Variants in KCTD19 observed in about 807,000 individuals in gnomAD.
KCTD19 encodes the protein potassium channel tetramerization domain containing 19.
Under a neutral mutation model 103.5 loss-of-function variants are expected in KCTD19, and 67 were observed. That is an observed-to-expected ratio of 0.65 (90% CI 0.53 to 0.79). The LOEUF is 0.79. KCTD19 is among the 30% of genes least tolerant of loss of function. The pLI is 0.00. For synonymous variants in KCTD19, 439 were observed against 452.2 expected (o/e 0.97, Z 0.37); for missense variants, 980 against 1,136.1 (o/e 0.86, Z 1.98).
intron 4 of KCTD19, chr16:67,302,800 G>A (rs2036848624): frequency 1.1e-5 from 3 of 267,848 alleles, no homozygotes; most frequent in Non-Finnish European, 2.1e-5. Flanking sequence ...CGGAAGACCA[G>A]CTGGATACAT....
chr16:67,325,368 A>G (rs893766896), intron 1 of KCTD19, among the ~76,000 whole-genome samples: 3 of 132,370 alleles, frequency 2.3e-5, no homozygotes, highest in African/African-American at 1.1e-4. Context: ...GCCCGCCACC[A>G]CGCCCGGCTT....
Position 67,320,996 on chromosome 16 carries a change from A to G in KCTD19, c.4-111T>C, listed in dbSNP as rs1002682597. Reference sequence around the variant, plus strand: ...GTTTGCTGATGACATGATCTTGTATATAAAAAATCCTAAGGAATTCACCAG... The same window carrying G: ...GTTTGCTGATGACATGATCTTGTATGTAAAAAATCCTAAGGAATTCACCAG... On this transcript the variant is annotated intron_variant, in intron 1 of 15. Coordinates refer to ENST00000304372, the MANE Select transcript of KCTD19 (RefSeq NM_001100915.3). The surrounding 1 kb of genome is among the most constrained non-coding windows in gnomAD (Gnocchi z 4.0). 1.0e-6 allele frequency: 1 copy of G among 989,504 alleles called. No individual in the cohort carries two copies. Among genetic ancestry groups the G allele is most frequent in the Admixed American group, 2.9e-5 (1 of 35,084 alleles). 61.3% of individuals were successfully genotyped at this position (989,504 alleles called of 1,614,324 possible).
chr16:67,291,043 G>A, intron 14 of KCTD19, 57 bp from the exon 15 acceptor site: 1 of 1,562,738 alleles, frequency 6.4e-7, no homozygotes, highest in East Asian at 2.3e-5. Context: ...CCCTCAGAGT[G>A]AGATGCAGAG....
chr16:67,299,750 C>T lies in KCTD19; in HGVS notation c.776-177G>A, dbSNP rs2036813470. The T allele has an allele frequency of 6.7e-6, 4 of 595,038 alleles. No homozygotes were observed. In the East Asian group the frequency reaches 8.6e-5, roughly 13 times the overall value. The allele number at this position is 595,038 out of a possible 1,614,324, so 36.9% of individuals were successfully genotyped here. ...AAAATTAGTATAATTTTTTTGTATA[C>T]TCAGGCTTAGAAGTCATAACTATTT... On this transcript the variant is annotated intron_variant, in intron 5 of 15. Coordinates refer to ENST00000304372, the MANE Select transcript of KCTD19 (RefSeq NM_001100915.3).
rs2036735833 is a variant in KCTD19, at chr16:67,294,125, G to A, written c.1637C>T (p.Thr546Ile). 3 of 1,610,894 alleles carry A rather than the reference G, an allele frequency of 1.9e-6. No homozygotes were observed. The highest frequency in any genetic ancestry group is 2.7e-5 in the African/African-American group (2 of 74,840). ...PVDFEDCSDRTPWNKAKGNLV... is the reference protein window; with the variant it reads ...PVDFEDCSDRIPWNKAKGNLV... ...GTTTCCCTTAGCCTTGTTCCATGGA[G>A]TCCTGTCACTGCAGTCTTCGAAGTC... is the stretch of plus-strand genomic sequence containing the variant. The change falls in exon 12 of 16, where the codon ACT becomes ATT. Residue 546 changes from threonine to isoleucine, a missense_variant. Transcript: ENST00000304372.
intron 5 of KCTD19, chr16:67,299,876 A>G (rs896318393): frequency 2.4e-5 from 10 of 413,996 alleles, no homozygotes; most frequent in African/African-American, 1.9e-4. Context: ...TAGCCTCTGC[A>G]GGAGTCTTCA....
rs970593050 is a variant in KCTD19 at position 67,319,359 on chromosome 16, G to A, written c.300+1230C>T. The stretch of plus-strand genomic sequence containing the variant: ...TCTCATTCCTCTATGGCCCAGATAC[G>A]CATGATCTATCTCAATTTTCTTCTA... On this transcript the variant is annotated intron_variant, in intron 2 of 15. Coordinates refer to ENST00000304372, the MANE Select transcript of KCTD19 (RefSeq NM_001100915.3). Among the ~76,000 whole-genome samples the A allele has an allele frequency of 3.3e-5, 5 of 152,102 alleles. No homozygotes were observed. The South Asian group carries it at 6.2e-4, about 19-fold the overall frequency.
At chr16:67,314,814 TATATATATATATATATAGAG>T (rs1184813565) in intron 2 of KCTD19, among the ~76,000 whole-genome samples, 4 of 91,778 alleles carry the variant, frequency 4.4e-5, no homozygotes, top group South Asian at 4.2e-4. Flanking sequence ...TATATATATA[TATATATATATATATATAGAG>T]AGAGAGAGAG....
intron 12 of KCTD19, among the ~76,000 whole-genome samples, chr16:67,292,360 CCT>C (rs2036709532): frequency 6.6e-6 from 1 of 152,166 alleles, no homozygotes; most frequent in Admixed American, 6.5e-5. Flanking sequence ...CCTGGCCACT[CCT>C]CTCTTCATTG....
At position 67,296,158 on chromosome 16, in the gene KCTD19, C is replaced by G; in HGVS notation, c.1248+1G>C. The G allele has an allele frequency of 6.3e-7, 1 of 1,594,422 alleles. No individual in the cohort carries two copies. The highest frequency in any genetic ancestry group is 8.6e-7 in the Non-Finnish European group (1 of 1,161,958). On this transcript the variant is annotated splice_donor_variant, in intron 8 of 15. Coordinates refer to ENST00000304372, the MANE Select transcript of KCTD19 (RefSeq NM_001100915.3). LOFTEE classifies it high-confidence loss of function. ...AGCAGGGCAGCCGAGGCCGTCAGTA[C>G]CTTCAGCAGTGTCTGCAGGGTGGTT...
chr16:67,325,260 AG>A (rs1231491371), intron 1 of KCTD19, among the ~76,000 whole-genome samples: 7 of 135,706 alleles, frequency 5.2e-5, no homozygotes, highest in Non-Finnish European at 7.5e-5. Flanking sequence ...GCTGGAGTGC[AG>A]TGGCACGATT....
intron 3 of KCTD19, 106 bp downstream of exon 3, chr16:67,304,315 C>G: frequency 3.6e-6 from 4 of 1,114,166 alleles, no homozygotes; most frequent in Non-Finnish European, 2.7e-6. Context: ...GAGACTGCCT[C>G]AGAAATCAGG....
At chr16:67,291,890 C>G in intron 12 of KCTD19, 53 bp from the exon 13 acceptor site, 1 of 1,329,644 alleles carries the variant, frequency 7.5e-7, no homozygotes, top group Non-Finnish European at 1.0e-6. Context: ...AATTTTTTTT[C>G]AAGATAGAGT....
In KCTD19 at chr16:67,295,329, C is replaced by T; in HGVS notation, c.1325G>A (p.Gly442Asp). Residue 442 changes from glycine (G) to aspartate (D), a missense_variant, in exon 9 of 16, where the codon GGC (glycine) becomes GAC (aspartate). Coordinates refer to ENST00000304372, the MANE Select transcript of KCTD19 (RefSeq NM_001100915.3). ...GTTGAGAATGTGTCGGAACATCTGGCCATCCCCGTGGATGAGCAGGGTTTG... is the reference window on the plus strand; with the variant it reads ...GTTGAGAATGTGTCGGAACATCTGGTCATCCCCGTGGATGAGCAGGGTTTG... ...YGQTLLIHGD[G>D]QMFRHILNFL... The T allele has an allele frequency of 6.2e-7, 1 of 1,614,126 alleles. No homozygotes were observed. Among genetic ancestry groups the T allele is most frequent in the Non-Finnish European group, 8.5e-7 (1 of 1,180,004 alleles).
chr16:67,299,291 C>T, intron 6 of KCTD19, 72 bp downstream of exon 6: 1 of 1,430,166 alleles, frequency 7.0e-7, no homozygotes, highest in African/African-American at 1.4e-5. Flanking sequence ...TGGGAAAGGC[C>T]CCAGGTTATT....
At chr16:67,309,332 G>T (rs886309471) in intron 2 of KCTD19, among the ~76,000 whole-genome samples, 2 of 152,132 alleles carry the variant, frequency 1.3e-5, no homozygotes, top group African/African-American at 2.4e-5. Flanking sequence ...ATTACAATGG[G>T]CAGAGCCTAT....
chr16:67,312,583 A>T (rs551149168), intron 2 of KCTD19, among the ~76,000 whole-genome samples: 1 of 152,222 alleles, frequency 6.6e-6, no homozygotes, highest in African/African-American at 2.4e-5. Context: ...CTTCACTTGG[A>T]TGGTTTTATT....
Position 67,320,772 on chromosome 16 carries a change from C to A in KCTD19, c.117G>T (p.Leu39=). 6.2e-7 allele frequency: 1 copy of A among 1,614,196 alleles called. No homozygotes were observed. The highest frequency in any genetic ancestry group is 1.1e-5 in the South Asian group (1 of 91,084). Residue 39 remains leucine, a synonymous_variant, in exon 2 of 16, where the codon CTG becomes CTT. Transcript: ENST00000304372. The surrounding 1 kb of genome is among the most constrained non-coding windows in gnomAD (Gnocchi z 4.0). ...SKLSQFPDSL[L]WKEASALTSS... Reference sequence around the variant, plus strand: ...AGGTCAAGGCTGAAGCCTCTTTCCACAGCAGGGAGTCTGGAAACTGAGAGA... The same window carrying A: ...AGGTCAAGGCTGAAGCCTCTTTCCAAAGCAGGGAGTCTGGAAACTGAGAGA...
intron 15 of KCTD19, among the ~76,000 whole-genome samples, chr16:67,290,167 C>CTTT (rs11296444): frequency 3.3e-4 from 23 of 69,286 alleles, no homozygotes; most frequent in Non-Finnish European, 4.1e-4. Context: ...TGAATATTTT[C>CTTT]TTTTTTTTTT....
Sources: allele counts gnomAD v4.1 joint callset (sites outside exome capture counted in the v4.1 genomes callset), GRCh38; gene constraint gnomAD v4.1.1; non-coding constraint Gnocchi (gnomAD v3.1); transcripts MANE v1.5; gene names NCBI Gene and HGNC (gene_info 2026-07-23, HGNC 2026-07-21).